OTUD7A: variants seen among roughly 807,000 people sequenced by gnomAD.
The protein encoded by OTUD7A is OTU domain-containing protein 7A.
OTUD7A carries 12 observed loss-of-function variants against 65.7 expected under a neutral mutation model. That is an observed-to-expected ratio of 0.18 (90% CI 0.12 to 0.30). The LOEUF is 0.30. Ranked by LOEUF, OTUD7A falls within the 10% of genes least tolerant of loss-of-function variation. The pLI is 1.00. For missense variants in OTUD7A, 1,148 were observed against 1,304.8 expected (o/e 0.88, Z 1.85); for synonymous variants, 641 against 586.3 (o/e 1.09, Z -1.35).
chr15:31,506,025 A>G (rs2041558750), intron 8 of OTUD7A, among the ~76,000 whole-genome samples: 1 of 152,028 alleles, frequency 6.6e-6, no homozygotes, highest in African/African-American at 2.4e-5. Flanking sequence ...GACGTGAGCC[A>G]CCATGCCTGG....
intron 3 of OTUD7A, among the ~76,000 whole-genome samples, chr15:31,610,909 G>A (rs8023393): frequency 0.29 from 43,125 of 151,094 alleles, 7,221 homozygotes; most frequent in African/African-American, 0.47. Context: ...GATTACAGGC[G>A]TGAGCCACCA....
chr15:31,826,864 G>A (rs957690465), intron 1 of OTUD7A, among the ~76,000 whole-genome samples: 1 of 152,114 alleles, frequency 6.6e-6, no homozygotes, highest in Non-Finnish European at 1.5e-5. Flanking sequence ...TGGTCTCTAC[G>A]CTAAAACATA....
intron 8 of OTUD7A, among the ~76,000 whole-genome samples, chr15:31,521,241 C>A (rs2041933431): frequency 6.6e-6 from 1 of 151,998 alleles, no homozygotes; most frequent in Non-Finnish European, 1.5e-5. Context: ...ATGTAAGAAA[C>A]CTGCACTTGT....
In OTUD7A at chr15:31,509,194, G is replaced by C. The variant is rs62004072; in HGVS notation, c.894-5376C>G. On this transcript the variant is annotated intron_variant, in intron 8 of 12. Transcript: ENST00000307050. Reference sequence around the variant, plus strand: ...AAATTTATTGTGCTTTTATTTTAATGTTTAGTTTACAGAAAAATTGGATAC... The same window carrying C: ...AAATTTATTGTGCTTTTATTTTAATCTTTAGTTTACAGAAAAATTGGATAC... Among the ~76,000 whole-genome samples, 1,242 of 152,000 alleles carry C rather than the reference G, an allele frequency of 8.2e-3. 9 individuals are homozygous for C. The highest frequency in any genetic ancestry group is 0.012 in the Non-Finnish European group (824 of 67,952).
intron 1 of OTUD7A, among the ~76,000 whole-genome samples, chr15:31,866,926 T>C (rs1466718358): frequency 6.6e-6 from 1 of 152,228 alleles, no homozygotes; most frequent in African/African-American, 2.4e-5. Flanking sequence ...GTCATAGCAC[T>C]GGGCTAGTTC....
In OTUD7A at chr15:31,510,976, T is replaced by C. The variant is rs557674703; in HGVS notation, c.894-7158A>G. Among the ~76,000 whole-genome samples the C allele has an allele frequency of 2.7e-4, 28 of 102,748 alleles. 2 individuals carry two copies. The highest frequency in any genetic ancestry group is 9.5e-4 in the South Asian group (3 of 3,146). The allele number at this position is 102,748 out of a possible 152,430, so 67.4% of individuals were successfully genotyped here. A position where few individuals can be genotyped will look rare whatever the true frequency, so the allele number is the denominator to read the frequency against. ...TATATGTATATCTATATGTAACATA[T>C]GTATATCTATATGTAACATATGTAT... On this transcript the variant is annotated intron_variant, in intron 8 of 12. Transcript: ENST00000307050.
chr15:31,777,156 G>A (rs978140154), intron 1 of OTUD7A, among the ~76,000 whole-genome samples: 1 of 152,082 alleles, frequency 6.6e-6, no homozygotes, highest in African/African-American at 2.4e-5. Context: ...TCTGAACAGG[G>A]CCCTGCTCCT....
intron 1 of OTUD7A, among the ~76,000 whole-genome samples, chr15:31,732,332 A>G (rs1019307494): frequency 6.6e-6 from 1 of 152,214 alleles, no homozygotes; most frequent in Non-Finnish European, 1.5e-5. Context: ...GATAACTTTG[A>G]GGAAAATGAG....
chr15:31,737,479 A>G (rs932813691), intron 1 of OTUD7A, among the ~76,000 whole-genome samples: 6 of 152,228 alleles, frequency 3.9e-5, no homozygotes, highest in African/African-American at 1.2e-4. Flanking sequence ...GATGACATCC[A>G]GGGTCAGAGG....
At chr15:31,532,882 C>T (rs1384528150) in intron 5 of OTUD7A, among the ~76,000 whole-genome samples, 6 of 145,732 alleles carry the variant, frequency 4.1e-5, no homozygotes, top group South Asian at 2.1e-4. Flanking sequence ...TGTAGGGAGC[C>T]GAAATCGCGC....
intron 1 of OTUD7A, chr15:31,766,608 A>G: frequency 6.2e-7 from 1 of 1,608,626 alleles, no homozygotes; most frequent in East Asian, 2.2e-5. Context: ...TGGTGTATTG[A>G]TAATAACTAT....
At chr15:31,727,735 G>T (rs956261330) in intron 1 of OTUD7A, among the ~76,000 whole-genome samples, 1 of 152,152 alleles carries the variant, frequency 6.6e-6, no homozygotes, top group African/African-American at 2.4e-5. Flanking sequence ...TGTTGTATTT[G>T]CCTCCTTGTG....
At chr15:31,830,365 G>T (rs796115733) in intron 1 of OTUD7A, among the ~76,000 whole-genome samples, 3 of 152,182 alleles carry the variant, frequency 2.0e-5, no homozygotes, top group East Asian at 3.9e-4. Flanking sequence ...AGAGAGAAAG[G>T]TCAAGACAGC....
chr15:31,605,928 C>T (rs898465923), intron 3 of OTUD7A, among the ~76,000 whole-genome samples: 1 of 152,224 alleles, frequency 6.6e-6, no homozygotes, highest in Non-Finnish European at 1.5e-5. Flanking sequence ...ACCATTTCTG[C>T]TGGAGCCTGT....
chr15:31,870,345 C>G (rs1220940547), intron 1 of OTUD7A, among the ~76,000 whole-genome samples, 162 bp downstream of exon 1: 2 of 146,474 alleles, frequency 1.4e-5, no homozygotes, highest in African/African-American at 4.9e-5. Context: ...CCCCGCGTCC[C>G]CGCGCCCCGG....
intron 1 of OTUD7A, among the ~76,000 whole-genome samples, chr15:31,733,399 T>C (rs953395804): frequency 1.3e-5 from 2 of 152,166 alleles, no homozygotes; most frequent in Non-Finnish European, 2.9e-5. Context: ...GAATAAGCTG[T>C]TTCTTCTGCC....
chr15:31,498,269 T>C lies in OTUD7A; in HGVS notation c.1171+3421A>G, dbSNP rs2041416269. ...CTGATTGCTTCATTGAGTTTTGCAG[T>C]ATGGCTGTGTGAGAATATTTACAGA... On this transcript the variant is annotated intron_variant, in intron 10 of 12. Transcript: ENST00000307050. This position sits in a 1 kb window ranked among gnomAD's most constrained non-coding sequence, Gnocchi z 4.2. Among the ~76,000 whole-genome samples, 1 of 152,200 alleles carries C rather than the reference T, an allele frequency of 6.6e-6. No individual in the cohort carries two copies. Among genetic ancestry groups the C allele is most frequent in the South Asian group, 2.1e-4 (1 of 4,834 alleles).
intron 3 of OTUD7A, among the ~76,000 whole-genome samples, chr15:31,610,605 A>ATTTTTTTTTTTT (rs1472216504): frequency 1.3e-4 from 5 of 38,662 alleles, no homozygotes; most frequent in South Asian, 8.6e-4. Flanking sequence ...ATATATATAT[A>ATTTTTTTTTTTT]TATATATATA....
chr15:31,802,311 A>G (rs1896155437), intron 1 of OTUD7A, among the ~76,000 whole-genome samples: 1 of 152,110 alleles, frequency 6.6e-6, no homozygotes, highest in Non-Finnish European at 1.5e-5. Context: ...CATGGGAGAA[A>G]GATGTAGGCT....
Sources: allele counts gnomAD v4.1 joint callset (sites outside exome capture counted in the v4.1 genomes callset), GRCh38; gene constraint gnomAD v4.1.1; non-coding constraint Gnocchi (gnomAD v3.1); transcripts MANE v1.5; gene names NCBI Gene and HGNC (gene_info 2026-07-23, HGNC 2026-07-21).